Variants in MYO1D observed in about 807,000 individuals in gnomAD.
The protein encoded by MYO1D is unconventional myosin-Id.
MYO1D carries 83 observed loss-of-function variants against 122.0 expected under a neutral mutation model. The observed-to-expected ratio is 0.68, with a 90% CI of 0.57 to 0.82. MYO1D has a LOEUF of 0.82. Among genes scored for constraint, MYO1D ranks in the 40% least tolerant of loss-of-function variants. The pLI is 0.00. For missense variants in MYO1D, 1,157 were observed against 1,269.5 expected (o/e 0.91, Z 1.35); for synonymous variants, 464 against 446.9 (o/e 1.04, Z -0.48).
intron 10 of MYO1D, among the ~76,000 whole-genome samples, chr17:32,758,693 T>C (rs1474967905): frequency 6.6e-6 from 1 of 152,152 alleles, no homozygotes; most frequent in Non-Finnish European, 1.5e-5. Flanking sequence ...TTAATGTGTG[T>C]TTAAAATTTT....
At chr17:32,835,140 T>C (rs915200173) in intron 1 of MYO1D, among the ~76,000 whole-genome samples, 2 of 152,006 alleles carry the variant, frequency 1.3e-5, no homozygotes, top group East Asian at 3.9e-4. Context: ...ACAGCTCTGG[T>C]TTTTGGTTTT....
chr17:32,597,104 T>C (rs937030286), intron 21 of MYO1D, among the ~76,000 whole-genome samples: 18 of 152,240 alleles, frequency 1.2e-4, no homozygotes, highest in Non-Finnish European at 2.5e-4. Flanking sequence ...CTATGAGAGA[T>C]TGTTCACTTG....
At chr17:32,658,206 T>C (rs1022925615) in intron 17 of MYO1D, among the ~76,000 whole-genome samples, 1 of 152,258 alleles carries the variant, frequency 6.6e-6, no homozygotes, top group African/African-American at 2.4e-5. Context: ...CTTTATCTTT[T>C]GATACCTTCC....
intron 19 of MYO1D, among the ~76,000 whole-genome samples, chr17:32,649,017 T>C (rs1466235550): frequency 2.0e-5 from 3 of 152,198 alleles, no homozygotes; most frequent in Non-Finnish European, 2.9e-5. Context: ...CTACTGACAT[T>C]ATATCACTTT....
rs148765859 is a variant in MYO1D, at chr17:32,846,083, T to C, written c.95+30695A>G. On this transcript the variant is annotated intron_variant, in intron 1 of 21. Coordinates refer to ENST00000318217, the MANE Select transcript of MYO1D (RefSeq NM_015194.3). The stretch of plus-strand genomic sequence containing the variant: ...GCCTACTTAGCACCTATTCCCTCTC[T>C]TCTTCCTTTTAATAGGACTAAGATT... Among the ~76,000 whole-genome samples the C allele has an allele frequency of 5.0e-3, 758 of 152,332 alleles. 4 individuals carry two copies. The highest frequency in any genetic ancestry group is 8.0e-3 in the Non-Finnish European group (546 of 68,036).
At chr17:32,763,173 G>A (rs542097800) in intron 8 of MYO1D, among the ~76,000 whole-genome samples, 3 of 150,244 alleles carry the variant, frequency 2.0e-5, no homozygotes, top group African/African-American at 2.5e-5. Context: ...GCAACAAAGC[G>A]AGACTCCATC....
intron 20 of MYO1D, among the ~76,000 whole-genome samples, chr17:32,615,193 T>C (rs1488586507): frequency 6.6e-6 from 1 of 152,154 alleles, no homozygotes; most frequent in Non-Finnish European, 1.5e-5. Flanking sequence ...TAGTTGGCAC[T>C]GGCTTTGGGA....
chr17:32,849,119 C>T (rs1349843738), intron 1 of MYO1D, among the ~76,000 whole-genome samples: 1 of 151,964 alleles, frequency 6.6e-6, no homozygotes, highest in Non-Finnish European at 1.5e-5. Flanking sequence ...TATGAGATAT[C>T]ATCTCACACC....
chr17:32,844,716 C>T (rs1019933679), intron 1 of MYO1D, among the ~76,000 whole-genome samples: 3 of 151,834 alleles, frequency 2.0e-5, no homozygotes, highest in Middle Eastern at 3.4e-3. Flanking sequence ...CAGGGCAAGA[C>T]CCTATCTCTA....
At chr17:32,861,211 A>G (rs1186654918) in intron 1 of MYO1D, among the ~76,000 whole-genome samples, 1 of 151,372 alleles carries the variant, frequency 6.6e-6, no homozygotes, top group Non-Finnish European at 1.5e-5. Context: ...GACTACAGGC[A>G]CCCACCACCA....
intron 21 of MYO1D, among the ~76,000 whole-genome samples, chr17:32,567,282 CAT>C (rs1465521727): frequency 3.3e-5 from 5 of 152,226 alleles, no homozygotes; most frequent in African/African-American, 7.2e-5. Context: ...CAGCAAGTGA[CAT>C]GTGCTCAAGA....
chr17:32,727,805 G>C (rs899417484), intron 14 of MYO1D, among the ~76,000 whole-genome samples: 6 of 152,080 alleles, frequency 3.9e-5, no homozygotes, highest in Non-Finnish European at 7.4e-5. Flanking sequence ...ACTTATGAGA[G>C]ACACACTTGA....
intron 21 of MYO1D, among the ~76,000 whole-genome samples, chr17:32,555,548 T>C (rs1455174297): frequency 6.6e-6 from 1 of 152,210 alleles, no homozygotes; most frequent in African/African-American, 2.4e-5. Context: ...AAAATCCTCC[T>C]CTGTTCTGGC....
At chr17:32,794,179 T>C (rs1364767117) in intron 1 of MYO1D, 1 of 152,132 alleles carries the variant, frequency 6.6e-6, no homozygotes, top group Non-Finnish European at 1.5e-5. Context: ...TTCAGTAAAA[T>C]TGCTTAGGCT....
chr17:32,793,880 T>C (rs1041772109), intron 1 of MYO1D, among the ~76,000 whole-genome samples: 1 of 152,202 alleles, frequency 6.6e-6, no homozygotes, highest in South Asian at 2.1e-4. Flanking sequence ...TTACAAGAAG[T>C]GAGATACTCT....
chr17:32,584,258 T>C (rs912607107), intron 21 of MYO1D, among the ~76,000 whole-genome samples: 1 of 152,234 alleles, frequency 6.6e-6, no homozygotes, highest in African/African-American at 2.4e-5. Context: ...AAACTTATTA[T>C]ACATGATACA....
intron 20 of MYO1D, among the ~76,000 whole-genome samples, chr17:32,607,319 A>T (rs2087641101): frequency 6.6e-6 from 1 of 152,200 alleles, no homozygotes; most frequent in African/African-American, 2.4e-5. Flanking sequence ...TACAAGGCTG[A>T]CATACAAAAA....
intron 16 of MYO1D, among the ~76,000 whole-genome samples, chr17:32,682,936 C>CT (rs1249443238): frequency 2.1e-5 from 2 of 97,290 alleles, no homozygotes. Context: ...TTCTTGGAGG[C>CT]TTTGCTCATT....
At chr17:32,559,379 G>A (rs1176208813) in intron 21 of MYO1D, among the ~76,000 whole-genome samples, 1 of 152,180 alleles carries the variant, frequency 6.6e-6, no homozygotes, top group Non-Finnish European at 1.5e-5. Context: ...CTGGATGTGT[G>A]AGCAGACCAT....
Sources: gnomAD v4.1 joint callset for allele counts (sites outside exome capture counted in the v4.1 genomes callset) on GRCh38, gnomAD v4.1.1 for gene constraint, MANE v1.5 for transcripts, NCBI Gene and HGNC (gene_info 2026-07-23, HGNC 2026-07-21) for gene names.